CAPN5: variants seen among roughly 807,000 people sequenced by gnomAD.
CAPN5 encodes calpain 5.
A neutral mutation model predicts 73.0 loss-of-function variants in CAPN5; 54 were observed. The ratio of observed to expected loss-of-function variants is 0.74; its 90% CI spans 0.59 to 0.93. The LOEUF is 0.93. Among genes scored for constraint, CAPN5 ranks in the 40% least tolerant of loss-of-function variants. The probability of loss-of-function intolerance (pLI) is 0.00; values close to 1 mark genes in which losing one functional copy is unlikely to be tolerated. For synonymous variants in CAPN5, 335 were observed against 356.9 expected, an observed-to-expected ratio of 0.94 and a Z score of 0.69; for missense variants, 785 against 882.9, an observed-to-expected ratio of 0.89 and a Z score of 1.41.
rs782103079 is a variant in CAPN5, at chr11:77,122,623, T to G, written c.1651T>G (p.Ser551Ala). 25 of 1,598,376 alleles carry G rather than the reference T, an allele frequency of 1.6e-5. No individual in the cohort carries two copies. Among genetic ancestry groups the G allele is most frequent in the Non-Finnish European group, 1.9e-5 (22 of 1,171,124 alleles). ...IIKCEGDKVR[S>A]AVQKGTSTPE... ...CAAGTGTGAGGGAGACAAAGTCCGC[T>G]CGGCTGTGCAGAAGGGCACCTCCAC... Residue 551 changes from serine (S) to alanine (A), a missense_variant, in exon 12 of 13, where the codon TCG becomes GCG. Transcript: ENST00000648180.
Position 77,119,746 on chromosome 11 carries a change from A to G in CAPN5, c.1290+594A>G, listed in dbSNP as rs139844264. The G allele has an allele frequency of 4.5e-3, 708 of 155,702 alleles. 2 individuals carry two copies. Among genetic ancestry groups the G allele is most frequent in the Admixed American group, 0.011 (184 of 16,258 alleles). The allele number at this position is 155,702 out of a possible 1,614,324, so 9.6% of individuals were successfully genotyped here. A position where few individuals can be genotyped will look rare whatever the true frequency, so the allele number is the denominator to read the frequency against. ...ACCGGGCCCTGCAGAGGCTGGGTAC[A>G]TGCTGAGTCCTTGGCATCTGATGTG... On this transcript the variant is annotated intron_variant, in intron 9 of 12. Coordinates refer to ENST00000648180, the MANE Select transcript of CAPN5 (RefSeq NM_004055.5).
chr11:77,075,052 C>T (rs1392620152), intron 1 of CAPN5, among the ~76,000 whole-genome samples: 1 of 152,170 alleles, frequency 6.6e-6, no homozygotes, highest in African/African-American at 2.4e-5. Flanking sequence ...ACATGGGGCT[C>T]CGCAAGACAG....
Position 77,090,802 on chromosome 11 carries a change from A to G in CAPN5, c.166-2880A>G, listed in dbSNP as rs141277259. On this transcript the variant is annotated intron_variant, in intron 2 of 12. Transcript: ENST00000648180. ...CTCCTGGCCTCAGGGAACAGATGCTAAGTCATAGCTCCCTCTGGGTCAGAG... is the reference window on the plus strand; with the variant it reads ...CTCCTGGCCTCAGGGAACAGATGCTGAGTCATAGCTCCCTCTGGGTCAGAG... Among the ~76,000 whole-genome samples the G allele has an allele frequency of 6.8e-3, 1,040 of 152,228 alleles. 3 individuals are homozygous for G. The highest frequency in any genetic ancestry group is 0.012 in the Non-Finnish European group (824 of 67,992).
At chr11:77,098,850 G>T (rs1370391179) in intron 3 of CAPN5, among the ~76,000 whole-genome samples, 1 of 139,506 alleles carries the variant, frequency 7.2e-6, no homozygotes, top group Admixed American at 7.0e-5. Flanking sequence ...CCTCCCTCCC[G>T]GACGGGGTGG....
intron 2 of CAPN5, among the ~76,000 whole-genome samples, chr11:77,090,297 C>T (rs1950135607): frequency 6.6e-6 from 1 of 152,146 alleles, no homozygotes; most frequent in Admixed American, 6.5e-5. Flanking sequence ...GCACGATTGC[C>T]CCCAGGTTCC....
rs1555043103 is a variant in CAPN5, at chr11:77,122,649, A to G, written c.1677A>G (p.Thr559=). The G allele has an allele frequency of 6.2e-7, 1 of 1,613,608 alleles. No individual in the cohort carries two copies. Among genetic ancestry groups the G allele is most frequent in the Non-Finnish European group, 8.5e-7 (1 of 1,179,904 alleles). Residue 559 remains threonine, a synonymous_variant, in exon 12 of 13, where the codon ACA becomes ACG. Coordinates refer to ENST00000648180, the MANE Select transcript of CAPN5 (RefSeq NM_004055.5). ...VRSAVQKGTS[T]PEYNVKGIFY... is the part of the protein sequence containing the mutation. ...CGGCTGTGCAGAAGGGCACCTCCAC[A>G]CCAGAGTACAATGTGAAAGGCATCT...
intron 1 of CAPN5, chr11:77,072,868 T>C (rs1555033295): frequency 2.9e-6 from 1 of 342,144 alleles, no homozygotes; most frequent in East Asian, 8.1e-5. Flanking sequence ...GTGTGTAGTG[T>C]TCCCCTCCCT....
rs116944692 is a variant in CAPN5, at chr11:77,114,623, C to T, written c.699+189C>T. 1.3e-3 allele frequency among the ~76,000 whole-genome samples: 197 copies of T among 152,266 alleles called. 1 individual carries two copies. In the East Asian group the frequency reaches 0.025, roughly 19 times the overall value. On this transcript the variant is annotated intron_variant, in intron 5 of 12. Transcript: ENST00000648180. Reference sequence around the variant, plus strand: ...CCTCTAGGCTGTGAAAAGCCTTTCCCGCACTGTTCAACCAAAACTTCTTTT... The same window carrying T: ...CCTCTAGGCTGTGAAAAGCCTTTCCTGCACTGTTCAACCAAAACTTCTTTT...
chr11:77,122,814 G>A (rs1395353367), intron 12 of CAPN5, 102 bp downstream of exon 12: 16 of 1,449,834 alleles, frequency 1.1e-5, no homozygotes, highest in Non-Finnish European at 1.3e-5. Flanking sequence ...GAGGACCCAG[G>A]CATGCTGGGC....
rs530524237 is a variant in CAPN5 at position 77,125,418 on chromosome 11, A to G, written c.*1548A>G. 3 of 152,390 alleles carry G rather than the reference A, an allele frequency of 2.0e-5. No individual in the cohort carries two copies. Among genetic ancestry groups the G allele is most frequent in the African/African-American group, 7.2e-5 (3 of 41,480 alleles). 9.4% of individuals were successfully genotyped at this position (152,390 alleles called of 1,614,324 possible). A position where few individuals can be genotyped will look rare whatever the true frequency, so the allele number is the denominator to read the frequency against. The stretch of plus-strand genomic sequence containing the variant: ...AGAGTGTTCTTTCTTGAAAGCCGGG[A>G]CTTCCCCTCAAGAACCTGGGCCTGG... On this transcript the variant is annotated 3_prime_UTR_variant, in exon 13 of 13. Coordinates refer to ENST00000648180, the MANE Select transcript of CAPN5 (RefSeq NM_004055.5).
intron 3 of CAPN5, among the ~76,000 whole-genome samples, chr11:77,098,126 G>A (rs1555037889): frequency 3.0e-5 from 2 of 67,762 alleles, no homozygotes; most frequent in Non-Finnish European, 5.5e-5. Flanking sequence ...CCTCCCGGAC[G>A]GGGCGGCTGG....
intron 2 of CAPN5, among the ~76,000 whole-genome samples, chr11:77,088,678 G>A (rs1950117595): frequency 6.6e-6 from 1 of 152,202 alleles, no homozygotes; most frequent in Admixed American, 6.5e-5. Context: ...TGACTAGGGT[G>A]AAGCTGGATG....
chr11:77,089,537 G>A (rs1950127489), intron 2 of CAPN5, among the ~76,000 whole-genome samples: 1 of 152,192 alleles, frequency 6.6e-6, no homozygotes, highest in Non-Finnish European at 1.5e-5. Context: ...GGTGGCAGAG[G>A]TGAGGGCCTG....
chr11:77,088,346 G>A (rs7925373), intron 2 of CAPN5, among the ~76,000 whole-genome samples: 139,548 of 152,158 alleles, frequency 0.92, 64,103 homozygotes, highest in Middle Eastern at 0.95. Context: ...AGGCCTTTTC[G>A]TGCCACAGAA....
chr11:77,088,009 C>T, intron 2 of CAPN5: 1 of 1,536,010 alleles, frequency 6.5e-7, no homozygotes, highest in African/African-American at 1.4e-5. Context: ...GAGAATGTCC[C>T]CAGGCCTGGG....
At chr11:77,067,328 G>A (rs1266929576) in intron 1 of CAPN5, among the ~76,000 whole-genome samples, 1 of 108,470 alleles carries the variant, frequency 9.2e-6, no homozygotes, top group Non-Finnish European at 2.3e-5. Flanking sequence ...CCCCCGGCGA[G>A]GAGTCTTTTT....
At chr11:77,073,480 G>T (rs1439458383) in intron 1 of CAPN5, among the ~76,000 whole-genome samples, 1 of 152,154 alleles carries the variant, frequency 6.6e-6, no homozygotes, top group African/African-American at 2.4e-5. Context: ...CAGCTGCAGG[G>T]TCAGGCCTCT....
intron 1 of CAPN5, among the ~76,000 whole-genome samples, chr11:77,084,493 C>A (rs1555035061): frequency 6.6e-6 from 1 of 152,164 alleles, no homozygotes; most frequent in African/African-American, 2.4e-5. Context: ...GGAGACACAC[C>A]AGCCAGGGAG....
rs1406167500 is a variant in CAPN5 at position 77,122,003 on chromosome 11, C to T, written c.1557C>T (p.Thr519=). Residue 519 remains threonine, a synonymous_variant, in exon 11 of 13, where the codon ACC becomes ACT. Coordinates refer to ENST00000648180, the MANE Select transcript of CAPN5 (RefSeq NM_004055.5). Reference sequence around the variant, plus strand: ...TCTGTGGCTACCCCCAGCTGGTGACCCAGGTACATGTCCTGGGAGCTGCTG... The same window carrying T: ...TCTGTGGCTACCCCCAGCTGGTGACTCAGGTACATGTCCTGGGAGCTGCTG... ...SSLCGYPQLV[T]QVHVLGAAGL... The T allele has an allele frequency of 1.3e-6, 2 of 1,563,276 alleles. No individual in the cohort carries two copies. Among genetic ancestry groups the T allele is most frequent in the African/African-American group, 1.4e-5 (1 of 73,400 alleles).
Sources: gnomAD v4.1 joint callset for allele counts (sites outside exome capture counted in the v4.1 genomes callset) on GRCh38, gnomAD v4.1.1 for gene constraint, MANE v1.5 for transcripts, NCBI Gene and HGNC (gene_info 2026-07-23, HGNC 2026-07-21) for gene names.